The following CMTM8 variants were observed in gnomAD, a reference collection of about 807,000 sequenced individuals.
CMTM8 encodes the protein CKLF-like MARVEL transmembrane domain-containing protein 8.
In CMTM8, 12 loss-of-function variants were observed where a neutral mutation model predicts 18.6. The observed-to-expected ratio is 0.65, with a 90% confidence interval of 0.41 to 1.05. The LOEUF (loss-of-function observed/expected upper bound fraction) is 1.05. Ranked by LOEUF, CMTM8 falls within the 50% of genes least tolerant of loss-of-function variation. The probability of loss-of-function intolerance (pLI) is 0.00; values close to 1 mark genes in which losing one functional copy is unlikely to be tolerated. For missense variants in CMTM8, 217 were observed against 227.2 expected, an observed-to-expected ratio of 0.95 and a Z score of 0.29; for synonymous variants, 87 against 90.6, an observed-to-expected ratio of 0.96 and a Z score of 0.23.
intron 1 of CMTM8, among the ~76,000 whole-genome samples, chr3:32,320,856 A>G (rs1696030494): frequency 6.6e-6 from 1 of 152,056 alleles, no homozygotes; most frequent in South Asian, 2.1e-4. Flanking sequence ...TCACCCATGA[A>G]ACGGTGGTGA....
chr3:32,295,923 C>T (rs1559372573), intron 1 of CMTM8, among the ~76,000 whole-genome samples: 1 of 152,160 alleles, frequency 6.6e-6, no homozygotes, highest in Non-Finnish European at 1.5e-5. Context: ...CTCATCTCTG[C>T]TTTATTCTAC....
At chr3:32,256,188 T>C (rs896781270) in intron 1 of CMTM8, among the ~76,000 whole-genome samples, 3 of 152,094 alleles carry the variant, frequency 2.0e-5, no homozygotes, top group Non-Finnish European at 4.4e-5. Flanking sequence ...AGCCTCAGCC[T>C]CCTGTGCAGG....
intron 1 of CMTM8, among the ~76,000 whole-genome samples, chr3:32,292,751 A>G (rs947029359): frequency 6.6e-6 from 1 of 152,102 alleles, no homozygotes; most frequent in African/African-American, 2.4e-5. Context: ...TCTACCTACT[A>G]GATGCCAGTA....
At chr3:32,369,762 G>A (rs1695612732) in intron 3 of CMTM8, 122 bp from the exon 4 acceptor site, 1 of 541,212 alleles carries the variant, frequency 1.8e-6, no homozygotes, top group African/African-American at 1.9e-5. Flanking sequence ...AGTAGTTTTA[G>A]ATGGCAAAGC....
intron 1 of CMTM8, among the ~76,000 whole-genome samples, chr3:32,269,564 G>A (rs1445807901): frequency 6.6e-6 from 1 of 152,048 alleles, no homozygotes; most frequent in Non-Finnish European, 1.5e-5. Flanking sequence ...CTAGTTTAGC[G>A]GCTAGCCTGT....
intron 2 of CMTM8, among the ~76,000 whole-genome samples, chr3:32,366,939 A>G (rs898188524): frequency 6.6e-6 from 1 of 152,228 alleles, no homozygotes; most frequent in Admixed American, 6.5e-5. Context: ...AGGTGGCGAC[A>G]GGAACATACA....
chr3:32,242,101 C>G (rs993419944), intron 1 of CMTM8, among the ~76,000 whole-genome samples: 4 of 152,158 alleles, frequency 2.6e-5, no homozygotes, highest in African/African-American at 9.6e-5. Flanking sequence ...CCTCTGCTTC[C>G]CATGTCCAGT....
chr3:32,272,823 G>A (rs567105113), intron 1 of CMTM8, among the ~76,000 whole-genome samples: 1 of 152,270 alleles, frequency 6.6e-6, no homozygotes, highest in African/African-American at 2.4e-5. Flanking sequence ...TCACATTGAA[G>A]GGATGGCCTT....
At chr3:32,286,941 C>G (rs139920164) in intron 1 of CMTM8, among the ~76,000 whole-genome samples, 75 of 152,352 alleles carry the variant, frequency 4.9e-4, no homozygotes, top group African/African-American at 1.8e-3. Flanking sequence ...GATGTGGGCT[C>G]CAGCCCTGCC....
intron 1 of CMTM8, among the ~76,000 whole-genome samples, chr3:32,342,534 AC>A (rs1696519325): frequency 6.6e-6 from 1 of 152,180 alleles, no homozygotes; most frequent in South Asian, 2.1e-4. Flanking sequence ...ATTGAGGTGG[AC>A]CGTGTGGCAT....
chr3:32,291,687 A>T (rs1163674298), intron 1 of CMTM8, among the ~76,000 whole-genome samples: 1 of 152,262 alleles, frequency 6.6e-6, no homozygotes, highest in Non-Finnish European at 1.5e-5. Context: ...AGGGGAATCC[A>T]GAAAAAAGAA....
In CMTM8 at chr3:32,299,387, C is replaced by T. The variant is rs146109561; in HGVS notation, c.148-57986C>T. Among the ~76,000 whole-genome samples, 3 of 152,318 alleles carry T rather than the reference C, an allele frequency of 2.0e-5. No homozygotes were observed. The East Asian group carries it at 5.8e-4, about 29-fold the overall frequency. ...AATGCCAAGATTCTATTTAGCTCAACTGTCTCTACACCAGAGATCAACTTT... is the reference window on the plus strand; with the variant it reads ...AATGCCAAGATTCTATTTAGCTCAATTGTCTCTACACCAGAGATCAACTTT... On this transcript the variant is annotated intron_variant, in intron 1 of 3. Transcript: ENST00000307526.
intron 1 of CMTM8, among the ~76,000 whole-genome samples, chr3:32,272,280 T>A (rs974513306): frequency 1.3e-5 from 2 of 152,198 alleles, no homozygotes; most frequent in Non-Finnish European, 2.9e-5. Context: ...CATTATGATA[T>A]GTCTAGCTAA....
chr3:32,330,020 CTT>C (rs59088225), intron 1 of CMTM8, among the ~76,000 whole-genome samples: 1,931 of 152,084 alleles, frequency 0.013, 46 homozygotes, highest in African/African-American at 0.044. Flanking sequence ...GAATAAAACA[CTT>C]AGGTAAAAGA....
chr3:32,267,110 C>G (rs1205129762), intron 1 of CMTM8, among the ~76,000 whole-genome samples: 1 of 152,074 alleles, frequency 6.6e-6, no homozygotes, highest in Non-Finnish European at 1.5e-5. Flanking sequence ...CTTTAAAGTT[C>G]ATATGGAACC....
chr3:32,345,615 T>C (rs182191877), intron 1 of CMTM8, among the ~76,000 whole-genome samples: 27 of 152,272 alleles, frequency 1.8e-4, no homozygotes, highest in Non-Finnish European at 3.1e-4. Flanking sequence ...CTTAGGTCAT[T>C]AAAAAAGTAG....
At chr3:32,334,906 A>T (rs1305552675) in intron 1 of CMTM8, among the ~76,000 whole-genome samples, 1 of 152,110 alleles carries the variant, frequency 6.6e-6, no homozygotes, top group East Asian at 1.9e-4. Context: ...ATCCTAGGCC[A>T]ACTCCTACCT....
At chr3:32,244,795 T>A (rs1179443783) in intron 1 of CMTM8, among the ~76,000 whole-genome samples, 1 of 152,226 alleles carries the variant, frequency 6.6e-6, no homozygotes, top group African/African-American at 2.4e-5. Flanking sequence ...TTTCCACATT[T>A]GTCCAGTGCT....
At chr3:32,303,246 CTT>C (rs1276105983) in intron 1 of CMTM8, among the ~76,000 whole-genome samples, 1 of 152,210 alleles carries the variant, frequency 6.6e-6, no homozygotes, top group African/African-American at 2.4e-5. Context: ...TCAACATTCT[CTT>C]GAGAGCAGTT....
Sources: gnomAD v4.1 joint callset for allele counts (sites outside exome capture counted in the v4.1 genomes callset) on GRCh38, gnomAD v4.1.1 for gene constraint, MANE v1.5 for transcripts, NCBI Gene and HGNC (gene_info 2026-07-23, HGNC 2026-07-21) for gene names.